Variants in HOATZ observed in about 807,000 individuals in gnomAD.
The protein encoded by HOATZ is cilia- and flagella-associated protein HOATZ.
Under a neutral mutation model 24.9 loss-of-function variants are expected in HOATZ, and 26 were observed. The ratio of observed to expected loss-of-function variants is 1.04; its 90% CI spans 0.76 to 1.45. The LOEUF (loss-of-function observed/expected upper bound fraction) is 1.45, where lower values mean the gene tolerates loss of function less well. Among genes scored for constraint, HOATZ ranks in the 40% most tolerant of loss-of-function variants. The pLI is 0.00. For missense variants in HOATZ, 226 were observed against 201.5 expected (o/e 1.12, Z -0.74); for synonymous variants, 83 against 76.6 (o/e 1.08, Z -0.43).
chr11:111,523,646 A>G (rs189238563), intron 3 of HOATZ, among the ~76,000 whole-genome samples: 27 of 152,294 alleles, frequency 1.8e-4, no homozygotes, highest in African/African-American at 6.5e-4. Context: ...CCCCAGCCTC[A>G]TCTACCCACC....
intron 3 of HOATZ, among the ~76,000 whole-genome samples, chr11:111,531,206 T>C (rs1371413063): frequency 2.0e-5 from 3 of 152,364 alleles, no homozygotes; most frequent in Admixed American, 6.5e-5. Context: ...ATTTACCCAC[T>C]GTTTAATTTC....
intron 3 of HOATZ, among the ~76,000 whole-genome samples, chr11:111,522,152 A>T (rs1212164786): frequency 1.3e-5 from 2 of 152,258 alleles, no homozygotes; most frequent in African/African-American, 4.8e-5. Context: ...AAATGAAAAC[A>T]CTTTAAACGC....
chr11:111,534,326 C>A, intron 4 of HOATZ, 86 bp from the exon 5 acceptor site: 1 of 952,606 alleles, frequency 1.0e-6, no homozygotes, highest in Admixed American at 2.1e-5. Flanking sequence ...GATGATTTTA[C>A]CTCAGCTTTT....
chr11:111,535,859 G>A (rs987748202), intron 5 of HOATZ: 41 of 151,862 alleles, frequency 2.7e-4, no homozygotes, highest in East Asian at 3.9e-4. Context: ...GGGTTTCACC[G>A]TCTTGGCCAA....
intron 3 of HOATZ, chr11:111,524,876 T>C (rs1212181481): frequency 6.7e-6 from 3 of 447,206 alleles, no homozygotes; most frequent in Non-Finnish European, 1.3e-5. Flanking sequence ...CTTTTCTTTT[T>C]TTTTAGACAA....
At chr11:111,515,901 G>C in intron 2 of HOATZ, 139 bp from the exon 3 acceptor site, 2 of 604,794 alleles carry the variant, frequency 3.3e-6, no homozygotes, top group Admixed American at 3.4e-5. Context: ...GGTTTGTAAA[G>C]TTCCAATACA....
At chr11:111,534,522 CA>C in intron 5 of HOATZ, 58 bp downstream of exon 5, 3 of 1,331,020 alleles carry the variant, frequency 2.3e-6, no homozygotes, top group Non-Finnish European at 3.2e-6. Context: ...TGTAGGGAAG[CA>C]TTTCTTTTTT....
At chr11:111,530,345 A>G (rs774997478) in intron 3 of HOATZ, among the ~76,000 whole-genome samples, 3 of 152,262 alleles carry the variant, frequency 2.0e-5, no homozygotes, top group Non-Finnish European at 4.4e-5. Context: ...ACTGGGATTC[A>G]AACCAAATGT....
intron 3 of HOATZ, among the ~76,000 whole-genome samples, chr11:111,525,896 C>T (rs1249856474): frequency 6.6e-6 from 1 of 152,208 alleles, no homozygotes; most frequent in African/African-American, 2.4e-5. Context: ...GGGTCAAAGA[C>T]ACGAACTCTG....
chr11:111,526,716 A>G (rs529851332), intron 3 of HOATZ: 1 of 152,244 alleles, frequency 6.6e-6, no homozygotes, highest in Non-Finnish European at 1.5e-5. Flanking sequence ...TATATGGGCT[A>G]GAAACTCAAA....
At chr11:111,515,352 G>A (rs117504063) in intron 1 of HOATZ, among the ~76,000 whole-genome samples, 159 bp from the exon 2 acceptor site, 1 of 152,282 alleles carries the variant, frequency 6.6e-6, no homozygotes, top group Non-Finnish European at 1.5e-5. Context: ...AGATGAAGGT[G>A]GAGTCAACAT....
intron 3 of HOATZ, among the ~76,000 whole-genome samples, chr11:111,521,784 C>T (rs1324970741): frequency 1.3e-5 from 2 of 152,118 alleles, no homozygotes; most frequent in Non-Finnish European, 1.5e-5. Context: ...ATGTTTTATG[C>T]TTTTATATCA....
chr11:111,515,007 T>C lies in HOATZ; in HGVS notation c.223T>C (p.Ser75Pro), dbSNP rs1591552910. ...GGCGCGGCCCAGGAGGAGCAGAGGGTCTGGTGAGTAGAATAGCGGCCTCCT... is the reference window on the plus strand; with the variant it reads ...GGCGCGGCCCAGGAGGAGCAGAGGGCCTGGTGAGTAGAATAGCGGCCTCCT... ...PVARPRRSRG[S>P]ENSHSSQSFH... The change falls in exon 1 of 6, where the codon TCT becomes CCT. Residue 75 changes from serine to proline, a missense_variant. Coordinates refer to ENST00000375618, the MANE Select transcript of HOATZ (RefSeq NM_001100388.2). 1 of 1,611,070 alleles carries C rather than the reference T, an allele frequency of 6.2e-7. No individual in the cohort carries two copies. The highest frequency in any genetic ancestry group is 1.3e-5 in the African/African-American group (1 of 74,790).
At chr11:111,525,645 G>A (rs1375997564) in intron 3 of HOATZ, among the ~76,000 whole-genome samples, 1 of 152,194 alleles carries the variant, frequency 6.6e-6, no homozygotes, top group African/African-American at 2.4e-5. Flanking sequence ...GAAGGGCCAA[G>A]CAAAGCCATA....
At chr11:111,518,131 G>T (rs571442659) in intron 3 of HOATZ, among the ~76,000 whole-genome samples, 1 of 152,218 alleles carries the variant, frequency 6.6e-6, no homozygotes. Context: ...ACCTAAACAT[G>T]CATAGTATCT....
rs1157227052 is a variant in HOATZ at position 111,530,517 on chromosome 11, A to ACAATTTAT, written c.340-3229_340-3228insCAATTTAT. Among the ~76,000 whole-genome samples, 22 of 152,344 alleles carry ACAATTTAT rather than the reference A, an allele frequency of 1.4e-4. No homozygotes were observed. In the East Asian group the frequency reaches 4.2e-3, roughly 29 times the overall value. On this transcript the variant is annotated intron_variant, in intron 3 of 5. Transcript: ENST00000375618. ...TATCACATCCTAATTTTCTGGAATC[A>ACAATTTAT]GTTTTCTTTCACAATTTATTTTTTC...
chr11:111,530,823 G>T (rs1159265912), intron 3 of HOATZ, among the ~76,000 whole-genome samples: 1 of 152,010 alleles, frequency 6.6e-6, no homozygotes, highest in African/African-American at 2.4e-5. Context: ...AGCTTTCCTG[G>T]CAGAGATTTC....
chr11:111,524,796 C>A (rs1867315027), intron 3 of HOATZ: 2 of 399,908 alleles, frequency 5.0e-6, no homozygotes, highest in African/African-American at 4.3e-5. Context: ...AATTTACAAA[C>A]AGTTGATTTT....
Position 111,527,333 on chromosome 11 carries a change from T to G in HOATZ, c.340-6413T>G, listed in dbSNP as rs536167874. ...AAGAAAAATTGTATTGACTCCCTCTTATATAATGACTAATTTTTTTTCTCA... is the reference window on the plus strand; with the variant it reads ...AAGAAAAATTGTATTGACTCCCTCTGATATAATGACTAATTTTTTTTCTCA... On this transcript the variant is annotated intron_variant, in intron 3 of 5. Transcript: ENST00000375618. 2.6e-5 allele frequency among the ~76,000 whole-genome samples: 4 copies of G among 152,344 alleles called. No individual in the cohort carries two copies. In the South Asian group the frequency reaches 8.3e-4, roughly 32 times the overall value.
Sources: gnomAD v4.1 joint callset for allele counts (sites outside exome capture counted in the v4.1 genomes callset) on GRCh38, gnomAD v4.1.1 for gene constraint, MANE v1.5 for transcripts, NCBI Gene and HGNC (gene_info 2026-07-23, HGNC 2026-07-21) for gene names.